PKD1: variants seen among roughly 807,000 people sequenced by gnomAD.
PKD1 encodes polycystin-1.
A neutral mutation model predicts 361.7 loss-of-function variants in PKD1; 81 were observed. The ratio of observed to expected loss-of-function variants is 0.22; its 90% CI spans 0.19 to 0.27. PKD1 has a LOEUF of 0.27. PKD1 is among the 10% of genes least tolerant of loss of function. The probability of loss-of-function intolerance (pLI) is 1.00; values close to 1 mark genes in which losing one functional copy is unlikely to be tolerated. For missense variants in PKD1, 6,399 were observed against 6,118.3 expected (o/e 1.05, Z -1.53); for synonymous variants, 3,615 against 2,818.3 (o/e 1.28, Z -8.95).
At chr16:2,116,340 A>T (rs1237985214) in intron 8 of PKD1, among the ~76,000 whole-genome samples, 189 bp downstream of exon 8, 1 of 152,202 alleles carries the variant, frequency 6.6e-6, no homozygotes, top group East Asian at 1.9e-4. Flanking sequence ...ACACGCTCAG[A>T]GAAAAGGCCT....
intron 1 of PKD1, chr16:2,123,383 G>A (rs1567223304): frequency 4.5e-6 from 2 of 441,166 alleles, no homozygotes; most frequent in Non-Finnish European, 9.1e-6. Context: ...CCCCCTGGGT[G>A]TGGAAGCATC....
At chr16:2,135,263 G>A (rs2092937070) in intron 1 of PKD1, 1 of 985,020 alleles carries the variant, frequency 1.0e-6, no homozygotes, top group Admixed American at 6.1e-5. Context: ...CGGGTGGGAC[G>A]TCTGTCTCCA....
At chr16:2,116,294 G>A in intron 8 of PKD1, 176 bp from the exon 9 acceptor site, 6 of 728,872 alleles carry the variant, frequency 8.2e-6, no homozygotes, top group South Asian at 1.6e-5. Context: ...TCCATGGGGG[G>A]CAGGACCCCT....
rs1211897255 is a variant in PKD1 at position 2,099,730 on chromosome 16, T to C, written c.9964A>G (p.Thr3322Ala). Residue 3322 changes from threonine (T) to alanine (A), a missense_variant, in exon 30 of 46, where the codon ACA becomes GCA. Coordinates refer to ENST00000262304, the MANE Select transcript of PKD1 (RefSeq NM_001009944.3). The stretch of plus-strand genomic sequence containing the variant: ...CTGGACACCAGGCCAACAGCGACTG[T>C]GTCGACGCTCAGCGGGCTCAGCCTG... ...VSRLSPLSVDTVAVGLVSSVV... is the reference protein window; with the variant it reads ...VSRLSPLSVDAVAVGLVSSVV... The C allele has an allele frequency of 6.4e-7, 1 of 1,570,200 alleles. No homozygotes were observed. The highest frequency in any genetic ancestry group is 2.3e-5 in the East Asian group (1 of 43,016).
intron 1 of PKD1, among the ~76,000 whole-genome samples, chr16:2,128,475 G>A (rs1422208126): frequency 6.6e-6 from 1 of 151,938 alleles, no homozygotes; most frequent in African/African-American, 2.4e-5. Flanking sequence ...ATAAACCAGG[G>A]CACTAGTGTG....
At chr16:2,120,016 A>C in intron 1 of PKD1, 3 of 593,392 alleles carry the variant, frequency 5.1e-6, no homozygotes, top group Non-Finnish European at 9.1e-6. Flanking sequence ...TTTTGAAACC[A>C]CCCTGGGCAA....
At chr16:2,107,672 G>A in intron 16 of PKD1, 5 of 633,154 alleles carry the variant, frequency 7.9e-6, no homozygotes, top group Middle Eastern at 4.2e-4. Flanking sequence ...TTTGCCACTA[G>A]AGCATATGTG....
rs28674911 is a variant in PKD1 at position 2,103,870 on chromosome 16, C to A, written c.8187G>T (p.Ser2729=). The A allele has an allele frequency of 6.3e-7, 1 of 1,588,904 alleles. No homozygotes were observed. Residue 2729 remains serine, a synonymous_variant, in exon 23 of 46, where the codon TCG becomes TCT. Coordinates refer to ENST00000262304, the MANE Select transcript of PKD1 (RefSeq NM_001009944.3). ...ITGDLIHLAS[S]DVRAPQPSEL... ...CTGAGGGCTGTGGTGCCCGCACGTCCGAGCTGGCCAGGTGGATGAGGTCTC... is the reference window on the plus strand; with the variant it reads ...CTGAGGGCTGTGGTGCCCGCACGTCAGAGCTGGCCAGGTGGATGAGGTCTC...
Position 2,097,248 on chromosome 16 carries a change from G to C in PKD1, c.10406-7C>G, listed in dbSNP as rs763945399. 1.9e-6 allele frequency: 3 copies of C among 1,593,536 alleles called. No homozygotes were observed. Among genetic ancestry groups the C allele is most frequent in the Non-Finnish European group, 2.6e-6 (3 of 1,170,260 alleles). On this transcript the variant is annotated splice_polypyrimidine_tract_variant and splice_region_variant and intron_variant, in intron 33 of 45. Transcript: ENST00000262304. ...TGCTGGATCAGGTCTTCATCTAGAGGTACAGGAGGCATAGGGTGGGCCCAG... is the reference window on the plus strand; with the variant it reads ...TGCTGGATCAGGTCTTCATCTAGAGCTACAGGAGGCATAGGGTGGGCCCAG...
At position 2,111,465 on chromosome 16, in the gene PKD1, C is replaced by A; in HGVS notation, c.3702G>T (p.Ala1234=). 1 of 1,611,694 alleles carries A rather than the reference C, an allele frequency of 6.2e-7. No individual in the cohort carries two copies. The highest frequency in any genetic ancestry group is 8.5e-7 in the Non-Finnish European group (1 of 1,179,480). ...ACGTGATGTTGTCGCCCGTCTGCAC[C>A]GCGGCGCTGACCACCACGGGGGCGC... The part of the protein sequence containing the change: ...EQGAPVVVSA[A]VQTGDNITWT... Residue 1234 remains alanine, a synonymous_variant, in exon 15 of 46, where the codon GCG becomes GCT. Coordinates refer to ENST00000262304, the MANE Select transcript of PKD1 (RefSeq NM_001009944.3).
chr16:2,126,166 C>T (rs1369514688), intron 1 of PKD1, among the ~76,000 whole-genome samples: 1 of 152,248 alleles, frequency 6.6e-6, no homozygotes, highest in Admixed American at 6.5e-5. Context: ...GAGGCCAGGG[C>T]CACGATGCAC....
At chr16:2,117,182 G>A (rs577012046) in intron 6 of PKD1, 129 bp from the exon 7 acceptor site, 1 of 655,450 alleles carries the variant, frequency 1.5e-6, no homozygotes, top group Non-Finnish European at 2.6e-6. Flanking sequence ...AGAGCCCGGA[G>A]ACCAGGGCCC....
chr16:2,089,171 C>A lies in PKD1; in HGVS notation c.*556G>T. 5.8e-6 allele frequency: 1 copy of A among 173,056 alleles called. No homozygotes were observed. Among genetic ancestry groups the A allele is most frequent in the Admixed American group, 5.5e-5 (1 of 18,252 alleles). 10.7% of individuals were successfully genotyped at this position (173,056 alleles called of 1,614,324 possible). ...CCGGGCTGCCATAACGCCACCACAC[C>A]TACCAAGCGCAGCAGGTGTTGGGGG... On this transcript the variant is annotated 3_prime_UTR_variant, in exon 46 of 46. Transcript: ENST00000262304.
intron 38 of PKD1, 77 bp from the exon 39 acceptor site, chr16:2,092,669 G>A: frequency 9.3e-7 from 1 of 1,070,678 alleles, no homozygotes; most frequent in Non-Finnish European, 1.4e-6. Flanking sequence ...CAGAGACCCA[G>A]GGAACATGGC....
Position 2,111,787 on chromosome 16 carries a change from G to A in PKD1, c.3380C>T (p.Pro1127Leu), listed in dbSNP as rs145922241. 9.0e-4 allele frequency: 1,453 copies of A among 1,608,780 alleles called. 1 individual carries two copies. Among genetic ancestry groups the A allele is most frequent in the Non-Finnish European group, 1.1e-3 (1,345 of 1,179,040 alleles). Residue 1127 changes from proline (P) to leucine (L), a missense_variant, in exon 15 of 46, where the codon CCC becomes CTC. Pro to Leu is a moderately conservative substitution (Grantham distance 98). Coordinates refer to ENST00000262304, the MANE Select transcript of PKD1 (RefSeq NM_001009944.3). ...QVPVSVRASL[P>L]SVAVGVSDGV... ...GTCACTCACACCCACAGCCACGGAG[G>A]GCAGGGAGGCGCGCACGCTCACAGG...
In PKD1 at chr16:2,114,592, G is replaced by A. The variant is rs137928037; in HGVS notation, c.2431C>T (p.Leu811Phe). Residue 811 changes from leucine to phenylalanine, a missense_variant, in exon 11 of 46, where the codon CTC becomes TTC. Transcript: ENST00000262304. ...EVGNGVSRHNLSCSFDVVSPV... is the reference protein window; with the variant it reads ...EVGNGVSRHNFSCSFDVVSPV... Reference sequence around the variant, plus strand: ...GAGACCACGTCAAAGCTGCAGGAGAGGTTGTGCCTGGACACGCCATTGCCC... The same window carrying A: ...GAGACCACGTCAAAGCTGCAGGAGAAGTTGTGCCTGGACACGCCATTGCCC... The A allele has an allele frequency of 1.3e-6, 2 of 1,591,862 alleles. No homozygotes were observed. The highest frequency in any genetic ancestry group is 2.7e-5 in the African/African-American group (2 of 74,756).
At chr16:2,104,019 G>C in intron 22 of PKD1, 124 bp from the exon 23 acceptor site, 2 of 485,554 alleles carry the variant, frequency 4.1e-6, no homozygotes, top group South Asian at 3.6e-5. Flanking sequence ...CAGAGAGCGA[G>C]GTGCAGGCAG....
intron 36 of PKD1, 25 bp from the exon 37 acceptor site, chr16:2,093,763 G>A (rs767380623): frequency 5.1e-6 from 8 of 1,564,956 alleles, no homozygotes; most frequent in African/African-American, 1.4e-5. Context: ...GCTTCAGAGG[G>A]GTCCCCCGTG....
chr16:2,088,877 G>A lies in PKD1; in HGVS notation c.*850C>T, dbSNP rs542301182. ...CCATACAGCACACTCGCGCGTGCGC[G>A]CGCGCACACACACACACACACAGTC... On this transcript the variant is annotated 3_prime_UTR_variant, in exon 46 of 46. Transcript: ENST00000262304. 73 of 482,112 alleles carry A rather than the reference G, an allele frequency of 1.5e-4. 1 individual carries two copies. The highest frequency in any genetic ancestry group is 9.0e-4 in the African/African-American group (31 of 34,534). 29.9% of individuals were successfully genotyped at this position (482,112 alleles called of 1,614,324 possible). A position where few individuals can be genotyped will look rare whatever the true frequency, so the allele number is the denominator to read the frequency against.
Sources: gnomAD v4.1 joint callset for allele counts (sites outside exome capture counted in the v4.1 genomes callset) on GRCh38, gnomAD v4.1.1 for gene constraint, MANE v1.5 for transcripts, NCBI Gene and HGNC (gene_info 2026-07-23, HGNC 2026-07-21) for gene names.